The following RUNX1T1 variants were observed in gnomAD, a reference collection of about 807,000 sequenced individuals.
RUNX1T1 encodes protein CBFA2T1.
Under a neutral mutation model 62.8 loss-of-function variants are expected in RUNX1T1, and 4 were observed. That is an observed-to-expected ratio of 0.06 (90% CI 0.03 to 0.15). The LOEUF (loss-of-function observed/expected upper bound fraction) is 0.15, where lower values mean the gene tolerates loss of function less well. RUNX1T1 is among the 10% of genes least tolerant of loss of function. The pLI is 1.00. For synonymous variants in RUNX1T1, 291 were observed against 286.0 expected, an observed-to-expected ratio of 1.02 and a Z score of -0.18; for missense variants, 508 against 754.3, an observed-to-expected ratio of 0.67 and a Z score of 3.82.
intron 1 of RUNX1T1, among the ~76,000 whole-genome samples, chr8:92,052,850 G>C (rs562967581): frequency 6.6e-6 from 1 of 152,262 alleles, no homozygotes; most frequent in East Asian, 1.9e-4. Context: ...CTTCCAAAGT[G>C]CTTGACTGAC....
At chr8:91,979,647 C>T (rs965873615) in intron 8 of RUNX1T1, 35 of 288,882 alleles carry the variant, frequency 1.2e-4, no homozygotes, top group South Asian at 8.4e-4. Context: ...AAGGGAGCCT[C>T]TTGAAAATAA....
Position 91,989,290 on chromosome 8 carries a change from C to T in RUNX1T1, c.911-2318G>A, listed in dbSNP as rs181077216. 4.6e-5 allele frequency among the ~76,000 whole-genome samples: 7 copies of T among 152,240 alleles called. No homozygotes were observed. In the East Asian group the frequency reaches 1.4e-3, roughly 29 times the overall value. ...GACAATTTTTATATTCTCAAAATGG[C>T]AGCCTGATGTAACACCATAATTTGT... is the stretch of plus-strand genomic sequence containing the variant. On this transcript the variant is annotated intron_variant, in intron 6 of 10. Coordinates refer to ENST00000396218, the Ensembl canonical transcript of RUNX1T1.
intron 1 of RUNX1T1, among the ~76,000 whole-genome samples, chr8:92,042,443 G>A (rs1038102180): frequency 2.6e-5 from 4 of 152,042 alleles, no homozygotes; most frequent in South Asian, 2.1e-4. Context: ...CCTTCTGACC[G>A]ACTGGCTAGG....
At chr8:91,978,672 A>C (rs1814514289) in intron 8 of RUNX1T1, among the ~76,000 whole-genome samples, 1 of 152,178 alleles carries the variant, frequency 6.6e-6, no homozygotes, top group Non-Finnish European at 1.5e-5. Context: ...AAAATCTTCA[A>C]ATTTCTTAGA....
chr8:91,961,139 C>T (rs1435583685), intron 10 of RUNX1T1, among the ~76,000 whole-genome samples: 1 of 152,210 alleles, frequency 6.6e-6, no homozygotes, highest in African/African-American at 2.4e-5. Context: ...GTTAAAACAA[C>T]CCCCTTTACC....
At chr8:92,099,950 T>C (rs1205773412), upstream of RUNX1T1, among the ~76,000 whole-genome samples, 1 of 152,342 alleles carries the variant, frequency 6.6e-6, no homozygotes, top group Admixed American at 6.5e-5. Flanking sequence ...TATGAAGTGC[T>C]CTTTTATCTA....
chr8:91,985,199 G>A (rs538643816), intron 8 of RUNX1T1, among the ~76,000 whole-genome samples: 1 of 152,112 alleles, frequency 6.6e-6, no homozygotes, highest in South Asian at 2.1e-4. Context: ...TAATATGAGA[G>A]AACAAGAATC....
chr8:92,045,633 T>G (rs1217155238), intron 1 of RUNX1T1, among the ~76,000 whole-genome samples: 1 of 152,144 alleles, frequency 6.6e-6, no homozygotes. Flanking sequence ...AATCCTCTCA[T>G]GTTGATTTGG....
In RUNX1T1 at chr8:91,973,341, T is replaced by C. The variant is rs117582201; in HGVS notation, c.1268-2493A>G. Among the ~76,000 whole-genome samples the C allele has an allele frequency of 2.2e-3, 330 of 151,848 alleles. 1 individual carries two copies. Among genetic ancestry groups the C allele is most frequent in the Non-Finnish European group, 3.4e-3 (233 of 67,862 alleles). On this transcript the variant is annotated intron_variant, in intron 9 of 10. Transcript: ENST00000396218. ...AATAAGGGAATCTAGGTGAAAGTTATAGAGGAATTTTTTGTACTTTTTTTT... is the reference window on the plus strand; with the variant it reads ...AATAAGGGAATCTAGGTGAAAGTTACAGAGGAATTTTTTGTACTTTTTTTT...
chr8:92,051,776 T>C (rs1401276759), intron 1 of RUNX1T1, among the ~76,000 whole-genome samples: 1 of 152,046 alleles, frequency 6.6e-6, no homozygotes, highest in Non-Finnish European at 1.5e-5. Context: ...TCCCCCTGAA[T>C]ACATTATGAA....
At chr8:91,973,816 C>G (rs954241290) in intron 9 of RUNX1T1, among the ~76,000 whole-genome samples, 1 of 152,026 alleles carries the variant, frequency 6.6e-6, no homozygotes, top group Non-Finnish European at 1.5e-5. Context: ...CTAGATGAAA[C>G]TATCATCCAT....
At chr8:92,071,368 A>G (rs893399828) in intron 2 of RUNX1T1, 1 of 152,260 alleles carries the variant, frequency 6.6e-6, no homozygotes, top group African/African-American at 2.4e-5. Flanking sequence ...AGGACACTAT[A>G]TAATGGGAAC....
chr8:92,015,394 G>A (rs1386193530), intron 2 of RUNX1T1, among the ~76,000 whole-genome samples: 1 of 152,138 alleles, frequency 6.6e-6, no homozygotes, highest in East Asian at 1.9e-4. Flanking sequence ...TAGGAAAAAT[G>A]CATATTTTAT....
intron 10 of RUNX1T1, among the ~76,000 whole-genome samples, chr8:91,970,043 T>TGTGTGTGTGTGTGTGTTGTG (rs11374252): frequency 1.8e-4 from 26 of 142,714 alleles, no homozygotes; most frequent in African/African-American, 6.1e-4. Context: ...TGTGTGTGTG[T>TGTGTGTGTGTGTGTGTTGTG]TGTGTGTGTG....
At chr8:92,068,156 C>T (rs878915816) in intron 2 of RUNX1T1, among the ~76,000 whole-genome samples, 2 of 151,904 alleles carry the variant, frequency 1.3e-5, no homozygotes, top group African/African-American at 2.4e-5. Context: ...AAAAACTATA[C>T]ATTTGCAATG....
chr8:92,048,127 A>G (rs1369974867), intron 1 of RUNX1T1, among the ~76,000 whole-genome samples: 1 of 152,190 alleles, frequency 6.6e-6, no homozygotes, highest in Admixed American at 6.5e-5. Context: ...CAAATGATCC[A>G]TTTTCAATAA....
chr8:92,058,265 G>A (rs1831361913), intron 1 of RUNX1T1, among the ~76,000 whole-genome samples: 1 of 152,126 alleles, frequency 6.6e-6, no homozygotes, highest in Non-Finnish European at 1.5e-5. Context: ...CCTCATTACA[G>A]TAACTTTCTG....
intron 1 of RUNX1T1, among the ~76,000 whole-genome samples, chr8:92,079,481 T>C (rs1307964364): frequency 6.6e-6 from 1 of 152,204 alleles, no homozygotes; most frequent in Admixed American, 6.5e-5. Flanking sequence ...GCACCATCTA[T>C]GCCTCACTTC....
intron 10 of RUNX1T1, among the ~76,000 whole-genome samples, chr8:91,967,763 G>A (rs2130565093): frequency 6.6e-6 from 1 of 152,248 alleles, no homozygotes; most frequent in East Asian, 1.9e-4. Context: ...AATAATGTGT[G>A]TATCTTACCA....
Sources: gnomAD v4.1 joint callset for allele counts (sites outside exome capture counted in the v4.1 genomes callset) on GRCh38, gnomAD v4.1.1 for gene constraint, MANE v1.5 for transcripts, NCBI Gene and HGNC (gene_info 2026-07-23, HGNC 2026-07-21) for gene names.